The following MIR2052HG variants were observed in gnomAD, a reference collection of about 807,000 sequenced individuals.
MIR2052HG encodes the protein MIR2052 host gene.
intron 4 of MIR2052HG, among the ~76,000 whole-genome samples, chr8:74,746,461 T>C (rs998928128): frequency 6.6e-6 from 1 of 151,840 alleles, no homozygotes; most frequent in Non-Finnish European, 1.5e-5. Flanking sequence ...CAGACACAAA[T>C]AAGTAAATAA....
chr8:74,604,205 G>A, intron 1 of MIR2052HG: 1 of 905,818 alleles, frequency 1.1e-6, no homozygotes, highest in Non-Finnish European at 1.9e-6. Flanking sequence ...CGGATGGTGA[G>A]AGTGATATTT....
At chr8:74,649,544 C>A (rs1808730915) in intron 2 of MIR2052HG, among the ~76,000 whole-genome samples, 1 of 151,656 alleles carries the variant, frequency 6.6e-6, no homozygotes, top group Non-Finnish European at 1.5e-5. Flanking sequence ...TATATATATG[C>A]ACATATAAAA....
intron 4 of MIR2052HG, among the ~76,000 whole-genome samples, chr8:74,710,636 C>A (rs575825455): frequency 6.6e-6 from 1 of 152,136 alleles, no homozygotes; most frequent in Non-Finnish European, 1.5e-5. Context: ...TTCACAATTC[C>A]AGGCCTAGAA....
At chr8:74,610,176 A>G (rs1035307929) in intron 1 of MIR2052HG, 2 of 151,952 alleles carry the variant, frequency 1.3e-5, no homozygotes, top group Non-Finnish European at 2.9e-5. Context: ...TGTGAATTTA[A>G]CAAGGTTGCA....
intron 2 of MIR2052HG, among the ~76,000 whole-genome samples, chr8:74,692,631 C>T (rs1809250898): frequency 6.6e-6 from 1 of 152,200 alleles, no homozygotes; most frequent in Non-Finnish European, 1.5e-5. Context: ...CACTTCCCCT[C>T]TTTACATAAG....
At chr8:74,677,295 A>C (rs1809062967) in intron 2 of MIR2052HG, among the ~76,000 whole-genome samples, 1 of 152,070 alleles carries the variant, frequency 6.6e-6, no homozygotes, top group Admixed American at 6.6e-5. Context: ...AAGACAGTAA[A>C]TTATAAAAAA....
intron 4 of MIR2052HG, among the ~76,000 whole-genome samples, chr8:74,709,290 T>A (rs1809443062): frequency 6.6e-6 from 1 of 152,114 alleles, no homozygotes; most frequent in Non-Finnish European, 1.5e-5. Flanking sequence ...AAACTCCAGA[T>A]GTGTTGAGCA....
chr8:74,673,346 G>T (rs1350190825), intron 2 of MIR2052HG, among the ~76,000 whole-genome samples: 1 of 151,972 alleles, frequency 6.6e-6, no homozygotes, highest in Non-Finnish European at 1.5e-5. Flanking sequence ...GGCCACAATT[G>T]TCCTTTTCTT....
At chr8:74,640,888 A>G (rs559817840) in intron 2 of MIR2052HG, among the ~76,000 whole-genome samples, 252 of 152,304 alleles carry the variant, frequency 1.7e-3, no homozygotes, top group African/African-American at 5.8e-3. Flanking sequence ...GTTCTCAGAG[A>G]ATGTGACTGC....
intron 2 of MIR2052HG, among the ~76,000 whole-genome samples, chr8:74,659,821 G>T (rs1315911569): frequency 2.6e-5 from 4 of 152,028 alleles, no homozygotes; most frequent in African/African-American, 7.2e-5. Flanking sequence ...TAATTGAATT[G>T]TTCTAATTTC....
chr8:74,716,512 A>G (rs1809523204), intron 4 of MIR2052HG, among the ~76,000 whole-genome samples: 1 of 152,098 alleles, frequency 6.6e-6, no homozygotes, highest in East Asian at 1.9e-4. Context: ...GGAGTTTGAG[A>G]TCAGCCTGAC....
chr8:74,708,146 A>G (rs1809429805), intron 4 of MIR2052HG, among the ~76,000 whole-genome samples: 1 of 152,154 alleles, frequency 6.6e-6, no homozygotes, highest in Non-Finnish European at 1.5e-5. Flanking sequence ...AATTTTATGA[A>G]GAGACCCCGT....
chr8:74,749,545 A>G (rs1310107263), intron 4 of MIR2052HG, among the ~76,000 whole-genome samples: 1 of 152,156 alleles, frequency 6.6e-6, no homozygotes, highest in East Asian at 1.9e-4. Context: ...CATAAAGTGA[A>G]TGTGACATTA....
intron 4 of MIR2052HG, chr8:74,752,365 A>G: frequency 2.4e-6 from 1 of 418,884 alleles, no homozygotes. Flanking sequence ...CTCAATTAAA[A>G]GAATTTGATA....
At chr8:74,601,356 AG>A (rs752620308) in intron 1 of MIR2052HG, among the ~76,000 whole-genome samples, 49 of 152,166 alleles carry the variant, frequency 3.2e-4, no homozygotes, top group Non-Finnish European at 6.6e-4. Context: ...ATTCTGTATA[AG>A]AGAGTGTGCC....
chr8:74,698,639 A>G (rs941331057), intron 2 of MIR2052HG, among the ~76,000 whole-genome samples: 1 of 152,234 alleles, frequency 6.6e-6, no homozygotes, highest in Non-Finnish European at 1.5e-5. Context: ...AGAATATACA[A>G]GGAACTCAAA....
intron 2 of MIR2052HG, among the ~76,000 whole-genome samples, chr8:74,667,776 A>G (rs1028480623): frequency 6.6e-6 from 1 of 152,122 alleles, no homozygotes; most frequent in Non-Finnish European, 1.5e-5. Context: ...TGGGCATGGG[A>G]TGCTCAGGAG....
chr8:74,712,039 A>G (rs1238033961), intron 4 of MIR2052HG, among the ~76,000 whole-genome samples: 6 of 152,118 alleles, frequency 3.9e-5, no homozygotes, highest in Non-Finnish European at 7.4e-5. Flanking sequence ...GGTGGCATTT[A>G]AGGTTATACT....
chr8:74,602,317 C>T (rs1808012140), intron 1 of MIR2052HG, among the ~76,000 whole-genome samples: 1 of 152,098 alleles, frequency 6.6e-6, no homozygotes, highest in African/African-American at 2.4e-5. Flanking sequence ...TTTGCAAATG[C>T]CGTGGCAAGG....
Sources: allele counts gnomAD v4.1 joint callset (sites outside exome capture counted in the v4.1 genomes callset), GRCh38; gene constraint gnomAD v4.1.1; transcripts MANE v1.5; gene names NCBI Gene and HGNC (gene_info 2026-07-23, HGNC 2026-07-21).